PTPRD: variants seen among roughly 807,000 people sequenced by gnomAD.
The protein encoded by PTPRD is protein tyrosine phosphatase receptor type D, also known as receptor-type tyrosine-protein phosphatase delta.
A neutral mutation model predicts 214.5 loss-of-function variants in PTPRD; 34 were observed. That is an observed-to-expected ratio of 0.16 (90% CI 0.12 to 0.21). The LOEUF is 0.21. Ranked by LOEUF, PTPRD falls within the 10% of genes least tolerant of loss-of-function variation. PTPRD has a pLI of 1.00. For missense variants in PTPRD, 2,545 were observed against 2,398.7 expected (o/e 1.06, Z -1.27); for synonymous variants, 1,128 against 845.7 (o/e 1.33, Z -5.79).
chr9:9,078,817 G>A (rs1305166349), intron 10 of PTPRD, among the ~76,000 whole-genome samples: 1 of 151,968 alleles, frequency 6.6e-6, no homozygotes, highest in East Asian at 1.9e-4. Context: ...GCAGTGGGAT[G>A]GGACTTTATT....
intron 5 of PTPRD, among the ~76,000 whole-genome samples, chr9:9,907,863 C>A (rs2078046368): frequency 1.3e-5 from 2 of 151,988 alleles, no homozygotes; most frequent in East Asian, 3.9e-4. Context: ...ATCACTCATA[C>A]CAGTAACATG....
intron 5 of PTPRD, among the ~76,000 whole-genome samples, chr9:9,932,070 C>T (rs1329128950): frequency 1.3e-5 from 2 of 149,820 alleles, no homozygotes; most frequent in Non-Finnish European, 3.0e-5. Flanking sequence ...ACCAAAAACC[C>T]ATCTGTACAT....
chr9:8,697,835 A>G (rs1036433557), intron 12 of PTPRD, among the ~76,000 whole-genome samples: 18 of 152,086 alleles, frequency 1.2e-4, no homozygotes, highest in African/African-American at 4.1e-4. Context: ...TGGGAAGAAT[A>G]AACAACTGAA....
At chr9:9,185,374 A>T (rs2099930711) in intron 9 of PTPRD, among the ~76,000 whole-genome samples, 1 of 152,046 alleles carries the variant, frequency 6.6e-6, no homozygotes, top group African/African-American at 2.4e-5. Flanking sequence ...AACACACTCT[A>T]TTCAATGATT....
rs112175818 is a variant in PTPRD at position 8,488,662 on chromosome 9, A to G, written c.2468-2313T>C. ...ACTTGCTTTTAATATATTTACAATT[A>G]TCTTAATTTTAAAATAGTACTTTAA... On this transcript the variant is annotated intron_variant, in intron 27 of 45. Transcript: ENST00000381196. Among the ~76,000 whole-genome samples the G allele has an allele frequency of 1.9e-3, 289 of 152,346 alleles. 1 individual carries two copies. Among genetic ancestry groups the G allele is most frequent in the African/African-American group, 6.7e-3 (280 of 41,592 alleles).
intron 3 of PTPRD, among the ~76,000 whole-genome samples, chr9:10,149,729 TTTTC>T (rs1312099749): frequency 1.3e-5 from 2 of 151,676 alleles, no homozygotes; most frequent in Non-Finnish European, 2.9e-5. Context: ...TTGTCTTTTT[TTTTC>T]TTTTTTTTTT....
chr9:8,804,508 G>A lies in PTPRD; in HGVS notation c.-103-70562C>T, dbSNP rs577258490. 2.6e-5 allele frequency among the ~76,000 whole-genome samples: 4 copies of A among 152,138 alleles called. No individual in the cohort carries two copies. The East Asian group carries it at 7.8e-4, about 29-fold the overall frequency. Reference sequence around the variant, plus strand: ...AATTACCTGGGAGGCTGGGACGGGAGGATTGCTGGGCACTGGAGGTCGAGG... The same window carrying A: ...AATTACCTGGGAGGCTGGGACGGGAAGATTGCTGGGCACTGGAGGTCGAGG... On this transcript the variant is annotated intron_variant, in intron 11 of 45. Coordinates refer to ENST00000381196, the MANE Select transcript of PTPRD (RefSeq NM_002839.4).
intron 14 of PTPRD, among the ~76,000 whole-genome samples, chr9:8,535,554 G>A (rs762023667): frequency 2.8e-4 from 43 of 151,804 alleles, no homozygotes; most frequent in Admixed American, 5.9e-4. Context: ...TGAAAACACT[G>A]GAACCAACTG....
intron 11 of PTPRD, among the ~76,000 whole-genome samples, chr9:8,756,201 G>T (rs1224564129): frequency 6.6e-6 from 1 of 152,088 alleles, no homozygotes; most frequent in East Asian, 1.9e-4. Flanking sequence ...ATATGCCTTG[G>T]CCAAATCACT....
At chr9:10,346,219 T>C (rs1448464862) in intron 2 of PTPRD, among the ~76,000 whole-genome samples, 2 of 152,200 alleles carry the variant, frequency 1.3e-5, no homozygotes, top group Non-Finnish European at 2.9e-5. Context: ...ACATATTCCC[T>C]AGCTCTTAAT....
At chr9:9,489,451 T>C (rs2095806896) in intron 8 of PTPRD, among the ~76,000 whole-genome samples, 1 of 152,088 alleles carries the variant, frequency 6.6e-6, no homozygotes, top group South Asian at 2.1e-4. Flanking sequence ...ATGACACATC[T>C]ACTAAACAGA....
intron 7 of PTPRD, among the ~76,000 whole-genome samples, chr9:9,688,755 T>C (rs1168642855): frequency 6.6e-6 from 1 of 151,878 alleles, no homozygotes. Flanking sequence ...GATAGACTAC[T>C]CTACCAGTAA....
At chr9:10,203,674 T>C (rs547523306) in intron 3 of PTPRD, among the ~76,000 whole-genome samples, 13 of 152,288 alleles carry the variant, frequency 8.5e-5, no homozygotes, top group African/African-American at 3.1e-4. Context: ...ATTGGGACAA[T>C]TCTGCTTCTC....
Position 8,341,132 on chromosome 9 carries a change from T to C in PTPRD, c.5084A>G (p.Glu1695Gly), listed in dbSNP as rs2132425222. 1.2e-6 allele frequency: 2 copies of C among 1,613,012 alleles called. No individual in the cohort carries two copies. Among genetic ancestry groups the C allele is most frequent in the Non-Finnish European group, 1.7e-6 (2 of 1,179,390 alleles). ...ACTGGCATTGATGTAATCAGATCCT[T>C]CTACTCCACGGATAGGCTGCAGGCA... Reference protein sequence around the residue: ...RVCLQPIRGVEGSDYINASFI... With the variant: ...RVCLQPIRGVGGSDYINASFI... Residue 1695 changes from glutamate to glycine, a missense_variant, in exon 41 of 46, where the codon GAA (glutamate) becomes GGA (glycine). Transcript: ENST00000381196.
At chr9:8,573,141 C>A (rs548208864) in intron 14 of PTPRD, among the ~76,000 whole-genome samples, 6 of 152,046 alleles carry the variant, frequency 3.9e-5, no homozygotes, top group Non-Finnish European at 1.5e-5. Context: ...CTATGTATTG[C>A]TACTTCTAAA....
At chr9:9,369,471 T>C (rs1368686349) in intron 9 of PTPRD, among the ~76,000 whole-genome samples, 1 of 152,176 alleles carries the variant, frequency 6.6e-6, no homozygotes, top group Non-Finnish European at 1.5e-5. Flanking sequence ...CTTTTTTTCT[T>C]GTAAATTTGT....
At chr9:9,622,515 G>A (rs988484753) in intron 7 of PTPRD, among the ~76,000 whole-genome samples, 2 of 151,980 alleles carry the variant, frequency 1.3e-5, no homozygotes, top group Admixed American at 6.6e-5. Flanking sequence ...TAAAATGTTT[G>A]TCCACAAAAT....
intron 12 of PTPRD, among the ~76,000 whole-genome samples, chr9:8,688,526 C>T (rs776080191): frequency 4.0e-5 from 6 of 148,968 alleles, no homozygotes; most frequent in Non-Finnish European, 8.9e-5. Context: ...GATCGCACCA[C>T]TGCGCTCCAG....
chr9:10,330,902 G>T (rs1159404183), intron 3 of PTPRD, among the ~76,000 whole-genome samples: 1 of 151,810 alleles, frequency 6.6e-6, no homozygotes, highest in African/African-American at 2.4e-5. Context: ...AACTTCTCTT[G>T]CAGGTCATCT....
Sources: allele counts gnomAD v4.1 joint callset (sites outside exome capture counted in the v4.1 genomes callset), GRCh38; gene constraint gnomAD v4.1.1; transcripts MANE v1.5; gene names NCBI Gene and HGNC (gene_info 2026-07-23, HGNC 2026-07-21).